Variants in NRIP1 observed in about 807,000 individuals in gnomAD.
NRIP1 encodes the protein nuclear receptor interacting protein 1.
A neutral mutation model predicts 75.0 loss-of-function variants in NRIP1; 28 were observed. The ratio of observed to expected loss-of-function variants is 0.37; its 90% CI spans 0.28 to 0.51. The LOEUF (loss-of-function observed/expected upper bound fraction) is 0.51, where lower values mean the gene tolerates loss of function less well. Among genes scored for constraint, NRIP1 ranks in the 20% least tolerant of loss-of-function variants. NRIP1 has a pLI of 0.92. For synonymous variants in NRIP1, 526 were observed against 487.6 expected, an observed-to-expected ratio of 1.08 and a Z score of -1.04; for missense variants, 1,435 against 1,343.7, an observed-to-expected ratio of 1.07 and a Z score of -1.06.
chr21:15,064,634 C>T (rs1978694255), intron 1 of NRIP1, 111 bp downstream of exon 1: 1 of 151,870 alleles, frequency 6.6e-6, no homozygotes, highest in South Asian at 1.9e-4. Context: ...GCCCCGACGC[C>T]CCCGCGGCCC....
At chr21:15,003,014 G>A (rs543570008) in intron 3 of NRIP1, among the ~76,000 whole-genome samples, 2 of 152,134 alleles carry the variant, frequency 1.3e-5, no homozygotes, top group Non-Finnish European at 2.9e-5. Flanking sequence ...ATGGCATCAC[G>A]GTGGTATGGT....
intron 3 of NRIP1, among the ~76,000 whole-genome samples, chr21:14,979,477 C>A (rs1007020555): frequency 1.3e-5 from 2 of 152,158 alleles, no homozygotes; most frequent in African/African-American, 4.8e-5. Context: ...AGATTACCAA[C>A]AGAACTGATG....
At chr21:14,983,268 G>T (rs1424794301) in intron 3 of NRIP1, among the ~76,000 whole-genome samples, 1 of 151,248 alleles carries the variant, frequency 6.6e-6, no homozygotes, top group African/African-American at 2.4e-5. Context: ...GTGAACACAT[G>T]AATGATAAGA....
rs746061345 is a variant in NRIP1 at position 14,966,795 on chromosome 21, G to T, written c.1398C>A (p.Ser466=). The change falls in exon 4 of 4, where the codon TCC becomes TCA. Residue 466 remains serine (S), a synonymous_variant. Transcript: ENST00000318948. ...CTTTTGGATCCCAAGTGTTTAGCAA[G>T]GATTGAGTGAAGTTATCCAGGGAAA... ...QPVSLDNFTQ[S]LLNTWDPKVP... 11 of 1,613,954 alleles carry T rather than the reference G, an allele frequency of 6.8e-6. No homozygotes were observed. The highest frequency in any genetic ancestry group is 1.3e-5 in the African/African-American group (1 of 74,900).
chr21:15,044,868 A>G (rs1476474141), intron 1 of NRIP1, among the ~76,000 whole-genome samples: 3 of 152,168 alleles, frequency 2.0e-5, no homozygotes, highest in Non-Finnish European at 4.4e-5. Flanking sequence ...GTGAGCCTTC[A>G]ATACCCAGCA....
intron 3 of NRIP1, among the ~76,000 whole-genome samples, chr21:14,996,399 T>C (rs1041642164): frequency 2.0e-5 from 3 of 152,138 alleles, no homozygotes; most frequent in Admixed American, 2.0e-4. Flanking sequence ...TGTGAGTGGT[T>C]CTCTCTTTTG....
At chr21:14,976,256 T>C (rs995127863) in intron 3 of NRIP1, among the ~76,000 whole-genome samples, 2 of 152,158 alleles carry the variant, frequency 1.3e-5, no homozygotes, top group Non-Finnish European at 2.9e-5. Context: ...GAAAAAATCA[T>C]TGTGGTGAAA....
At chr21:15,016,581 C>T (rs1244934018) in intron 2 of NRIP1, among the ~76,000 whole-genome samples, 3 of 151,946 alleles carry the variant, frequency 2.0e-5, no homozygotes, top group African/African-American at 7.3e-5. Context: ...AGAAAGTACC[C>T]ATAACTATAT....
chr21:15,008,006 G>C (rs2088013142), intron 3 of NRIP1, among the ~76,000 whole-genome samples: 1 of 152,146 alleles, frequency 6.6e-6, no homozygotes, highest in African/African-American at 2.4e-5. Context: ...TTCCGATCCA[G>C]CTGAAAGGTA....
chr21:15,035,964 T>C (rs1243102333), intron 2 of NRIP1, among the ~76,000 whole-genome samples: 1 of 152,192 alleles, frequency 6.6e-6, no homozygotes, highest in East Asian at 1.9e-4. Context: ...ACTGCGAAAA[T>C]GGCAAATTAG....
chr21:14,978,999 C>T (rs1453302866), intron 3 of NRIP1, among the ~76,000 whole-genome samples: 1 of 152,156 alleles, frequency 6.6e-6, no homozygotes, highest in Admixed American at 6.5e-5. Context: ...ATTTTTAAAG[C>T]TCCAGAAAAC....
intron 1 of NRIP1, among the ~76,000 whole-genome samples, chr21:15,060,184 C>G (rs1025831658): frequency 1.3e-5 from 2 of 152,048 alleles, no homozygotes; most frequent in African/African-American, 4.8e-5. Flanking sequence ...TTTATTGCAA[C>G]AAATTAAAAC....
chr21:15,060,814 A>G (rs769398911), intron 1 of NRIP1, among the ~76,000 whole-genome samples: 8 of 152,182 alleles, frequency 5.3e-5, no homozygotes, highest in Non-Finnish European at 1.2e-4. Context: ...TCTCTGCTTC[A>G]GCATCAGATG....
intron 2 of NRIP1, among the ~76,000 whole-genome samples, chr21:15,035,073 G>A (rs998048733): frequency 5.9e-5 from 9 of 152,044 alleles, no homozygotes; most frequent in Admixed American, 2.0e-4. Flanking sequence ...GATTTACTAA[G>A]AGTATATGTG....
intron 2 of NRIP1, among the ~76,000 whole-genome samples, chr21:15,018,926 A>G (rs373503980): frequency 6.6e-6 from 1 of 151,956 alleles, no homozygotes; most frequent in Admixed American, 6.6e-5. Flanking sequence ...AAAAAATTCC[A>G]CCTTCCACTA....
rs200492238 is a variant in NRIP1, at chr21:15,013,845, CTATAA to C, written c.-335+494_-335+498del. ...TTCCAAAAGTAATCACTGGCCTATACTATAATAAACACACAATAATCAAACATGCT... is the reference window on the plus strand; with the variant it reads ...TTCCAAAAGTAATCACTGGCCTATACTAAACACACAATAATCAAACATGCT... On this transcript the variant is annotated intron_variant, in intron 3 of 3. Coordinates refer to ENST00000318948, the MANE Select transcript of NRIP1 (RefSeq NM_003489.4). Among the ~76,000 whole-genome samples the C allele has an allele frequency of 8.3e-3, 1,261 of 152,254 alleles. 17 individuals are homozygous for C. Among genetic ancestry groups the C allele is most frequent in the African/African-American group, 0.028 (1,153 of 41,548 alleles).
chr21:15,014,206 A>G (rs182222569), intron 3 of NRIP1, 138 bp downstream of exon 3: 7 of 364,858 alleles, frequency 1.9e-5, no homozygotes, highest in African/African-American at 8.3e-5. Context: ...ACATTGCCTG[A>G]TGAAGTAACT....
intron 1 of NRIP1, among the ~76,000 whole-genome samples, chr21:15,062,418 A>G (rs900995851): frequency 2.6e-5 from 4 of 152,220 alleles, no homozygotes; most frequent in African/African-American, 9.6e-5. Context: ...TTCTAATGGC[A>G]TCTGATTGGG....
Position 14,966,031 on chromosome 21 carries a change from T to C in NRIP1, c.2162A>G (p.Asn721Ser), listed in dbSNP as rs1289774863. The C allele has an allele frequency of 6.2e-7, 1 of 1,611,834 alleles. No individual in the cohort carries two copies. The highest frequency in any genetic ancestry group is 2.2e-5 in the East Asian group (1 of 44,884). ...TVLQLLLGNP[N>S]KGKSEKKEKT... ...CTCTTTTTTTTCACTCTTCCCTTTG[T>C]TGGGGTTCCCCAGGAGCAACTGGAG... The change falls in exon 4 of 4, where the codon AAC becomes AGC. Residue 721 changes from asparagine (N) to serine (S), a missense_variant. Physicochemically the swap from Asn to Ser is conservative, Grantham distance 46 (BLOSUM62 1). Coordinates refer to ENST00000318948, the MANE Select transcript of NRIP1 (RefSeq NM_003489.4).
Sources: gnomAD v4.1 joint callset for allele counts (sites outside exome capture counted in the v4.1 genomes callset) on GRCh38, gnomAD v4.1.1 for gene constraint, MANE v1.5 for transcripts, NCBI Gene and HGNC (gene_info 2026-07-23, HGNC 2026-07-21) for gene names.